BABAM2: variants seen among roughly 807,000 people sequenced by gnomAD.
The protein encoded by BABAM2 is BRISC and BRCA1-A complex member 2.
BABAM2 carries 31 observed loss-of-function variants against 54.7 expected under a neutral mutation model. The observed-to-expected ratio is 0.57, with a 90% confidence interval of 0.43 to 0.77. BABAM2 has a LOEUF of 0.77. BABAM2 is among the 30% of genes least tolerant of loss of function. The pLI, the probability that BABAM2 is intolerant of heterozygous loss-of-function variation, is 0.00. For missense variants in BABAM2, 364 were observed against 455.8 expected (o/e 0.80, Z 1.83); for synonymous variants, 167 against 162.9 (o/e 1.03, Z -0.19).
intron 6 of BABAM2, among the ~76,000 whole-genome samples, chr2:28,091,280 A>G (rs950032556): frequency 6.6e-6 from 1 of 152,252 alleles, no homozygotes; most frequent in African/African-American, 2.4e-5. Context: ...AGAGTCTTTT[A>G]ACCAGATGGA....
intron 7 of BABAM2, among the ~76,000 whole-genome samples, chr2:28,191,264 GC>G (rs1167680445): frequency 1.3e-5 from 2 of 152,154 alleles, no homozygotes; most frequent in African/African-American, 4.8e-5. Context: ...ACAAGCATTG[GC>G]AAGGATGTAG....
At chr2:27,978,299 C>T (rs1025487525) in intron 3 of BABAM2, among the ~76,000 whole-genome samples, 3 of 152,200 alleles carry the variant, frequency 2.0e-5, no homozygotes, top group African/African-American at 7.2e-5. Flanking sequence ...TCACCTCCTG[C>T]CATGATTGTA....
intron 7 of BABAM2, among the ~76,000 whole-genome samples, chr2:28,232,808 T>G (rs1681538627): frequency 6.6e-6 from 1 of 152,224 alleles, no homozygotes; most frequent in African/African-American, 2.4e-5. Flanking sequence ...ATGTGATAAT[T>G]TGCAGACAGA....
intron 10 of BABAM2, among the ~76,000 whole-genome samples, chr2:28,247,395 A>G (rs1414293080): frequency 1.3e-5 from 2 of 152,162 alleles, no homozygotes; most frequent in Non-Finnish European, 2.9e-5. Context: ...TGGTTAGATA[A>G]TGTGTTTTAC....
chr2:28,137,465 A>G (rs1670654603), intron 7 of BABAM2, among the ~76,000 whole-genome samples: 1 of 152,174 alleles, frequency 6.6e-6, no homozygotes, highest in Non-Finnish European at 1.5e-5. Flanking sequence ...CATGACTTAG[A>G]ATGGAATTCT....
chr2:28,235,914 C>A (rs891699512), intron 7 of BABAM2, among the ~76,000 whole-genome samples: 3 of 152,134 alleles, frequency 2.0e-5, no homozygotes, highest in African/African-American at 7.2e-5. Context: ...CCAACCTCAG[C>A]CTCCCAAAGT....
intron 7 of BABAM2, among the ~76,000 whole-genome samples, chr2:28,224,099 C>G (rs1410578896): frequency 6.6e-6 from 1 of 152,120 alleles, no homozygotes; most frequent in Non-Finnish European, 1.5e-5. Flanking sequence ...TGAACCAAAC[C>G]AAAACAACAA....
intron 2 of BABAM2, among the ~76,000 whole-genome samples, chr2:27,921,263 G>A (rs543826013): frequency 2.7e-4 from 41 of 152,196 alleles, no homozygotes; most frequent in African/African-American, 9.6e-4. Flanking sequence ...ACTTATTACT[G>A]ATAAATAATT....
chr2:28,256,658 A>G (rs186117287), intron 10 of BABAM2, among the ~76,000 whole-genome samples: 5 of 150,746 alleles, frequency 3.3e-5, no homozygotes, highest in African/African-American at 1.2e-4. Flanking sequence ...TTAAAATTCA[A>G]TTAAGTATTT....
intron 11 of BABAM2, chr2:28,327,184 G>A: frequency 7.3e-7 from 1 of 1,377,326 alleles, no homozygotes; most frequent in Non-Finnish European, 9.8e-7. Context: ...GCCGGTGGAG[G>A]CTCAGGAGCC....
At chr2:28,160,805 A>G (rs145003162) in intron 7 of BABAM2, among the ~76,000 whole-genome samples, 74 of 151,826 alleles carry the variant, frequency 4.9e-4, no homozygotes, top group African/African-American at 1.8e-3. Context: ...CAAATGGGCA[A>G]AGGATGCAGT....
intron 7 of BABAM2, among the ~76,000 whole-genome samples, chr2:28,192,818 G>A (rs558128308): frequency 1.3e-5 from 2 of 150,674 alleles, no homozygotes; most frequent in South Asian, 4.4e-4. Flanking sequence ...CACCACGCCC[G>A]GCCTATAGCT....
intron 5 of BABAM2, among the ~76,000 whole-genome samples, chr2:28,041,805 C>A (rs1462816374): frequency 6.6e-6 from 1 of 152,052 alleles, no homozygotes; most frequent in Non-Finnish European, 1.5e-5. Flanking sequence ...TAGTTTTGAG[C>A]AAACGAGGAT....
At chr2:28,328,400 C>G (rs898764329) in intron 11 of BABAM2, among the ~76,000 whole-genome samples, 2 of 152,142 alleles carry the variant, frequency 1.3e-5, no homozygotes, top group African/African-American at 4.8e-5. Flanking sequence ...TGGAACTTGC[C>G]TCTATTTGCA....
At chr2:28,315,472 T>C (rs1198526245) in intron 11 of BABAM2, among the ~76,000 whole-genome samples, 1 of 99,480 alleles carries the variant, frequency 1.0e-5, no homozygotes, top group Non-Finnish European at 2.1e-5. Context: ...TTTTCTTTTC[T>C]TTTCTTTTCT....
chr2:28,000,447 A>G (rs1413672845), intron 4 of BABAM2, among the ~76,000 whole-genome samples: 1 of 152,244 alleles, frequency 6.6e-6, no homozygotes, highest in Non-Finnish European at 1.5e-5. Flanking sequence ...TTTTCATCAC[A>G]TATCAAGTCA....
intron 7 of BABAM2, among the ~76,000 whole-genome samples, chr2:28,158,170 C>T (rs1457771450): frequency 2.0e-5 from 3 of 152,252 alleles, no homozygotes; most frequent in Non-Finnish European, 2.9e-5. Context: ...CAATGTTGTT[C>T]AGTTTACAGA....
chr2:28,073,988 T>TA (rs957572442), intron 6 of BABAM2, among the ~76,000 whole-genome samples: 1 of 152,070 alleles, frequency 6.6e-6, no homozygotes, highest in African/African-American at 2.4e-5. Context: ...TATACATAGA[T>TA]ACGTATATAT....
At chr2:27,937,330 G>A (rs936831889) in intron 3 of BABAM2, among the ~76,000 whole-genome samples, 1 of 152,324 alleles carries the variant, frequency 6.6e-6, no homozygotes, top group South Asian at 2.1e-4. Flanking sequence ...ATTTCACCAT[G>A]TTGGCCAGGC....
Sources: gnomAD v4.1 joint callset for allele counts (sites outside exome capture counted in the v4.1 genomes callset) on GRCh38, gnomAD v4.1.1 for gene constraint, MANE v1.5 for transcripts, NCBI Gene and HGNC (gene_info 2026-07-23, HGNC 2026-07-21) for gene names.